RUFY3: variants seen among roughly 807,000 people sequenced by gnomAD.
RUFY3 encodes the protein RUN and FYVE domain containing 3, also known as protein RUFY3.
In RUFY3, 34 loss-of-function variants were observed where a neutral mutation model predicts 84.0. That is an observed-to-expected ratio of 0.40 (90% CI 0.31 to 0.54). The LOEUF (loss-of-function observed/expected upper bound fraction) is 0.54, where lower values mean the gene tolerates loss of function less well. Among genes scored for constraint, RUFY3 ranks in the 20% least tolerant of loss-of-function variants. The pLI is 0.39. For synonymous variants in RUFY3, 242 were observed against 252.9 expected, an observed-to-expected ratio of 0.96 and a Z score of 0.41; for missense variants, 507 against 736.8, an observed-to-expected ratio of 0.69 and a Z score of 3.61.
intron 4 of RUFY3, among the ~76,000 whole-genome samples, chr4:70,767,676 T>G (rs1367899122): frequency 6.6e-6 from 1 of 151,744 alleles, no homozygotes; most frequent in Non-Finnish European, 1.5e-5. Flanking sequence ...TATCTATGGG[T>G]CTTCACGAAT....
chr4:70,733,433 A>G (rs1018870510), intron 1 of RUFY3, among the ~76,000 whole-genome samples: 2 of 152,148 alleles, frequency 1.3e-5, no homozygotes, highest in African/African-American at 4.8e-5. Context: ...TCATTTTATC[A>G]TTGTGAATCA....
At chr4:70,791,776 C>T (rs1410011897) in intron 12 of RUFY3, 3 of 987,482 alleles carry the variant, frequency 3.0e-6, no homozygotes, top group Non-Finnish European at 3.6e-6. Flanking sequence ...TTCTGTGTCT[C>T]TTAGACCATG....
intron 1 of RUFY3, among the ~76,000 whole-genome samples, chr4:70,724,468 G>A (rs1318987376): frequency 6.6e-6 from 1 of 152,162 alleles, no homozygotes; most frequent in Non-Finnish European, 1.5e-5. Flanking sequence ...TGAGCTGTTT[G>A]GTTCATGTAA....
chr4:70,808,259 G>A lies in RUFY3; in HGVS notation c.*1600G>A, dbSNP rs1712114691. ...CCATGGATGCAGAACCCATGGATATGGAGGGCTGACTGTACTTACTTACAT... is the reference window on the plus strand; with the variant it reads ...CCATGGATGCAGAACCCATGGATATAGAGGGCTGACTGTACTTACTTACAT... On this transcript the variant is annotated 3_prime_UTR_variant, in exon 18 of 18. Coordinates refer to ENST00000381006, the MANE Select transcript of RUFY3 (RefSeq NM_001037442.4). 6.6e-6 allele frequency among the ~76,000 whole-genome samples: 1 copy of A among 152,092 alleles called. No homozygotes were observed. Among genetic ancestry groups the A allele is most frequent in the South Asian group, 2.1e-4 (1 of 4,806 alleles).
upstream of RUFY3, among the ~76,000 whole-genome samples, chr4:70,718,445 C>T (rs1195750776): frequency 6.6e-6 from 1 of 152,058 alleles, no homozygotes; most frequent in Non-Finnish European, 1.5e-5. Context: ...TTTTTTGGAT[C>T]TTCATTTTGG....
intron 8 of RUFY3, among the ~76,000 whole-genome samples, chr4:70,781,898 A>G (rs929414927): frequency 4.6e-5 from 7 of 152,220 alleles, no homozygotes; most frequent in Non-Finnish European, 1.0e-4. Flanking sequence ...TAGTAGATGC[A>G]GAGAAGAAAA....
chr4:70,768,471 T>G (rs996099866), intron 4 of RUFY3, 67 bp from the exon 5 acceptor site: 7 of 1,526,536 alleles, frequency 4.6e-6, no homozygotes, highest in Non-Finnish European at 6.3e-6. Context: ...ATCAACCATT[T>G]TTGTCCTTGT....
chr4:70,747,527 G>A (rs543311978), intron 1 of RUFY3, among the ~76,000 whole-genome samples: 44 of 151,984 alleles, frequency 2.9e-4, no homozygotes, highest in Admixed American at 2.2e-3. Context: ...TTCCTGAAAG[G>A]ACTGTTTTGG....
At chr4:70,782,477 G>T (rs1014282054) in intron 8 of RUFY3, among the ~76,000 whole-genome samples, 2 of 151,358 alleles carry the variant, frequency 1.3e-5, no homozygotes, top group African/African-American at 4.8e-5. Context: ...TAGAGATGGG[G>T]TTTCACCATG....
Position 70,775,160 on chromosome 4 carries a change from TC to T in RUFY3, c.759-3del, listed in dbSNP as rs1560533261. 6.3e-7 allele frequency: 1 copy of T among 1,584,412 alleles called. No homozygotes were observed. The highest frequency in any genetic ancestry group is 8.6e-7 in the Non-Finnish European group (1 of 1,160,448). On this transcript the variant is annotated splice_polypyrimidine_tract_variant and splice_region_variant and intron_variant, in intron 6 of 17. Transcript: ENST00000381006. Reference sequence around the variant, plus strand: ...TATTTTATTTCTATTTTCTTCCCCTTCCCCCAGAGACGGTCAGATTACTGCA... The same window carrying T: ...TATTTTATTTCTATTTTCTTCCCCTTCCCCAGAGACGGTCAGATTACTGCA...
chr4:70,759,083 A>G (rs1386391072), intron 1 of RUFY3, among the ~76,000 whole-genome samples: 1 of 152,020 alleles, frequency 6.6e-6, no homozygotes, highest in African/African-American at 2.4e-5. Context: ...ACAATGCTAC[A>G]GAACACTAGA....
intron 1 of RUFY3, among the ~76,000 whole-genome samples, chr4:70,749,517 A>G (rs1722775982): frequency 1.3e-5 from 1 of 79,358 alleles, no homozygotes; most frequent in Non-Finnish European, 2.7e-5. Flanking sequence ...AAAGCCCATC[A>G]AAAGGGTTTT....
chr4:70,802,383 C>G (rs557775003), intron 15 of RUFY3, among the ~76,000 whole-genome samples: 38 of 152,302 alleles, frequency 2.5e-4, no homozygotes, highest in African/African-American at 9.1e-4. Context: ...TTTGCTTCAC[C>G]TCTCATTTAG....
At chr4:70,720,585 AT>A (rs1234510072), upstream of RUFY3, among the ~76,000 whole-genome samples, 2 of 152,184 alleles carry the variant, frequency 1.3e-5, no homozygotes, top group Admixed American at 6.6e-5. Context: ...ATGATGAAGC[AT>A]TTGAGATTTT....
chr4:70,705,677 G>C (rs1740235622), intron 1 of RUFY3, among the ~76,000 whole-genome samples: 1 of 152,142 alleles, frequency 6.6e-6, no homozygotes, highest in African/African-American at 2.4e-5. Flanking sequence ...CCCGGGCTGG[G>C]AACCTTCCCC....
intron 1 of RUFY3, among the ~76,000 whole-genome samples, chr4:70,745,221 A>G (rs572245617): frequency 4.6e-5 from 7 of 152,174 alleles, no homozygotes; most frequent in African/African-American, 1.7e-4. Flanking sequence ...TGGGATTACA[A>G]GTGTGAGCCA....
At chr4:70,741,950 T>C (rs983421777) in intron 1 of RUFY3, among the ~76,000 whole-genome samples, 2 of 152,328 alleles carry the variant, frequency 1.3e-5, no homozygotes, top group Admixed American at 1.3e-4. Flanking sequence ...TTTTCACTTG[T>C]TTGTTGAGAA....
intron 1 of RUFY3, among the ~76,000 whole-genome samples, chr4:70,761,797 G>A (rs77744732): frequency 0.043 from 6,594 of 152,256 alleles, 315 homozygotes; most frequent in East Asian, 0.2. Context: ...TAATGCTAGT[G>A]CATAGTTTAA....
chr4:70,756,179 G>A (rs1401813795), intron 1 of RUFY3, among the ~76,000 whole-genome samples: 5 of 152,000 alleles, frequency 3.3e-5, no homozygotes, highest in Admixed American at 6.6e-5. Flanking sequence ...AAATGCTAAC[G>A]TTCTACCCCA....
Sources: gnomAD v4.1 joint callset for allele counts (sites outside exome capture counted in the v4.1 genomes callset) on GRCh38, gnomAD v4.1.1 for gene constraint, MANE v1.5 for transcripts, NCBI Gene and HGNC (gene_info 2026-07-23, HGNC 2026-07-21) for gene names.